Variants in GPC5 observed in about 807,000 individuals in gnomAD.
GPC5 encodes the protein glypican 5.
In GPC5, 47 loss-of-function variants were observed where a neutral mutation model predicts 53.9. The observed-to-expected ratio is 0.87, with a 90% CI of 0.69 to 1.11. GPC5 has a LOEUF of 1.11. GPC5 is among the 50% of genes most tolerant of loss of function. GPC5 has a pLI of 0.00. For synonymous variants in GPC5, 286 were observed against 263.3 expected (o/e 1.09, Z -0.84); for missense variants, 748 against 713.1 (o/e 1.05, Z -0.56).
At chr13:91,608,287 T>C (rs2033438258) in intron 2 of GPC5, among the ~76,000 whole-genome samples, 1 of 152,182 alleles carries the variant, frequency 6.6e-6, no homozygotes, top group Non-Finnish European at 1.5e-5. Context: ...AAAATATAAT[T>C]CATACCATTA....
intron 5 of GPC5, among the ~76,000 whole-genome samples, chr13:91,905,498 T>TA (rs1821834615): frequency 6.6e-6 from 1 of 152,104 alleles, no homozygotes; most frequent in Admixed American, 6.6e-5. Context: ...AAAAGATGTG[T>TA]TAATATTATC....
intron 7 of GPC5, among the ~76,000 whole-genome samples, chr13:92,263,022 C>T (rs2042777464): frequency 1.3e-5 from 2 of 152,132 alleles, no homozygotes; most frequent in Non-Finnish European, 2.9e-5. Flanking sequence ...AAAGATGGAA[C>T]ACCTTGGTTT....
chr13:91,933,378 C>G (rs2039839910), intron 6 of GPC5, among the ~76,000 whole-genome samples: 1 of 151,814 alleles, frequency 6.6e-6, no homozygotes, highest in African/African-American at 2.4e-5. Flanking sequence ...TATTTTTTCT[C>G]TACTGAGATT....
intron 7 of GPC5, among the ~76,000 whole-genome samples, chr13:92,547,827 T>G (rs1259253336): frequency 2.9e-5 from 4 of 139,516 alleles, no homozygotes; most frequent in Non-Finnish European, 6.2e-5. Flanking sequence ...TTCTTTTTTT[T>G]TTTTTTTTTT....
intron 5 of GPC5, among the ~76,000 whole-genome samples, chr13:91,883,613 G>C (rs922624275): frequency 6.6e-6 from 1 of 152,164 alleles, no homozygotes; most frequent in Non-Finnish European, 1.5e-5. Context: ...CAGCATCGGG[G>C]AAGCCATTAT....
chr13:91,983,009 A>T (rs143235923), intron 6 of GPC5, among the ~76,000 whole-genome samples: 1,871 of 151,096 alleles, frequency 0.012, 20 homozygotes, highest in Middle Eastern at 0.024. Context: ...CCATAGAAAG[A>T]GTTATGCTTG....
chr13:91,563,092 A>T (rs16946190), intron 2 of GPC5, among the ~76,000 whole-genome samples: 10,096 of 152,192 alleles, frequency 0.066, 1,117 homozygotes, highest in African/African-American at 0.23. Flanking sequence ...AATAAATTCT[A>T]TTGTCAAGTT....
chr13:92,825,061 C>A (rs922346706), intron 7 of GPC5, among the ~76,000 whole-genome samples: 3 of 152,058 alleles, frequency 2.0e-5, no homozygotes, highest in African/African-American at 7.2e-5. Context: ...ACTTGGGACA[C>A]TAAAAAGTCT....
At chr13:92,744,435 T>C (rs980688705) in intron 7 of GPC5, among the ~76,000 whole-genome samples, 1 of 151,544 alleles carries the variant, frequency 6.6e-6, no homozygotes, top group African/African-American at 2.4e-5. Context: ...GATTATGGAA[T>C]TGATATAATT....
intron 1 of GPC5, among the ~76,000 whole-genome samples, chr13:91,424,093 T>C (rs938042416): frequency 1.3e-5 from 2 of 152,164 alleles, no homozygotes; most frequent in African/African-American, 4.8e-5. Flanking sequence ...GAAAAATGAT[T>C]CTAAATCATA....
At chr13:91,454,183 TA>T (rs1346623976) in intron 2 of GPC5, among the ~76,000 whole-genome samples, 1 of 152,096 alleles carries the variant, frequency 6.6e-6, no homozygotes, top group Non-Finnish European at 1.5e-5. Context: ...AGGCTTATAT[TA>T]ATTATGAGAA....
intron 7 of GPC5, among the ~76,000 whole-genome samples, chr13:92,344,129 T>G (rs1036134502): frequency 2.0e-5 from 3 of 152,108 alleles, no homozygotes; most frequent in Non-Finnish European, 2.9e-5. Context: ...AAAAGAGGTT[T>G]AATTGACTCA....
chr13:91,698,068 A>AT (rs552612382), intron 3 of GPC5, among the ~76,000 whole-genome samples: 6 of 151,972 alleles, frequency 3.9e-5, no homozygotes, highest in African/African-American at 1.2e-4. Context: ...CACCCAGCTA[A>AT]TTTTTTGTAT....
chr13:92,392,195 T>C (rs1282633279), intron 7 of GPC5, among the ~76,000 whole-genome samples: 1 of 152,172 alleles, frequency 6.6e-6, no homozygotes, highest in African/African-American at 2.4e-5. Context: ...CTTACCACTT[T>C]TAAAATTCAA....
At chr13:91,986,055 C>A (rs1386323176) in intron 6 of GPC5, among the ~76,000 whole-genome samples, 2 of 141,766 alleles carry the variant, frequency 1.4e-5, no homozygotes, top group African/African-American at 2.6e-5. Context: ...TTATTCTTAG[C>A]CAATACTTTT....
intron 6 of GPC5, among the ~76,000 whole-genome samples, chr13:92,025,994 G>T (rs1268402507): frequency 6.6e-6 from 1 of 152,062 alleles, no homozygotes; most frequent in Non-Finnish European, 1.5e-5. Context: ...ACTGGATCCT[G>T]GACAGATCTG....
Position 91,814,665 on chromosome 13 carries a change from T to G in GPC5, c.1280+58245T>G, listed in dbSNP as rs923046895. 2.0e-5 allele frequency among the ~76,000 whole-genome samples: 3 copies of G among 152,046 alleles called. No homozygotes were observed. The East Asian group carries it at 5.8e-4, about 29-fold the overall frequency. On this transcript the variant is annotated intron_variant, in intron 5 of 7. Transcript: ENST00000377067. ...AAGCGATTCTTCTGTCTCAGCCTCC[T>G]GAGTAGCTGGGATTACAGGCACCCA...
At chr13:92,755,527 C>T (rs1285660169) in intron 7 of GPC5, among the ~76,000 whole-genome samples, 1 of 151,604 alleles carries the variant, frequency 6.6e-6, no homozygotes, top group African/African-American at 2.4e-5. Context: ...TTCAAAAAAT[C>T]AATGAATCCA....
chr13:92,815,912 T>C (rs947525622), intron 7 of GPC5, among the ~76,000 whole-genome samples: 14 of 151,926 alleles, frequency 9.2e-5, no homozygotes, highest in African/African-American at 3.2e-4. Context: ...AATCAAGAAT[T>C]TGGCTTTGCA....
Sources: gnomAD v4.1 joint callset for allele counts (sites outside exome capture counted in the v4.1 genomes callset) on GRCh38, gnomAD v4.1.1 for gene constraint, MANE v1.5 for transcripts, NCBI Gene and HGNC (gene_info 2026-07-23, HGNC 2026-07-21) for gene names.